The following ITPR2 variants were observed in gnomAD, a reference collection of about 807,000 sequenced individuals.
ITPR2 encodes inositol 1,4,5-trisphosphate-gated calcium channel ITPR2.
A neutral mutation model predicts 317.1 loss-of-function variants in ITPR2; 207 were observed. The observed-to-expected ratio is 0.65, with a 90% CI of 0.58 to 0.73. ITPR2 has a LOEUF of 0.73. Ranked by LOEUF, ITPR2 falls within the 30% of genes least tolerant of loss-of-function variation. ITPR2 has a pLI of 0.00. For missense variants in ITPR2, 2,613 were observed against 3,284.0 expected (o/e 0.80, Z 4.99); for synonymous variants, 1,156 against 1,149.1 (o/e 1.01, Z -0.12).
chr12:26,775,709 A>T (rs1353441588), intron 2 of ITPR2, among the ~76,000 whole-genome samples: 4 of 152,034 alleles, frequency 2.6e-5, no homozygotes, highest in Non-Finnish European at 4.4e-5. Context: ...CTGCCAGCAC[A>T]GCTAGAATAT....
intron 34 of ITPR2, among the ~76,000 whole-genome samples, chr12:26,578,160 T>C (rs1413173451): frequency 1.3e-5 from 2 of 151,592 alleles, no homozygotes; most frequent in Non-Finnish European, 2.9e-5. Flanking sequence ...ATGGCCCTAA[T>C]TAACTTATTA....
chr12:26,677,274 G>T (rs910641339), intron 13 of ITPR2, among the ~76,000 whole-genome samples: 1 of 152,172 alleles, frequency 6.6e-6, no homozygotes, highest in Non-Finnish European at 1.5e-5. Context: ...AAATAAATTT[G>T]TCAAATACAA....
At chr12:26,530,535 G>T (rs1943920092) in intron 37 of ITPR2, among the ~76,000 whole-genome samples, 4 of 152,188 alleles carry the variant, frequency 2.6e-5, no homozygotes. Context: ...TGGCTCCCCA[G>T]TTGGGGCTAT....
chr12:26,494,436 T>C (rs1942886053), intron 38 of ITPR2, 96 bp from the exon 39 acceptor site: 1 of 806,730 alleles, frequency 1.2e-6, no homozygotes. Flanking sequence ...TTAATAAAAA[T>C]ATTAATCATT....
intron 37 of ITPR2, among the ~76,000 whole-genome samples, chr12:26,503,192 C>CAA (rs1943113071): frequency 6.6e-6 from 1 of 150,912 alleles, no homozygotes; most frequent in African/African-American, 2.4e-5. Flanking sequence ...CCCCCACCAA[C>CAA]ACACACACAC....
chr12:26,483,063 C>T (rs1191901289), intron 42 of ITPR2, among the ~76,000 whole-genome samples: 1 of 152,176 alleles, frequency 6.6e-6, no homozygotes, highest in African/African-American at 2.4e-5. Flanking sequence ...GTCCTGCCTT[C>T]TACTCCCACA....
At chr12:26,373,924 G>A (rs144567207) in intron 55 of ITPR2, among the ~76,000 whole-genome samples, 1 of 152,276 alleles carries the variant, frequency 6.6e-6, no homozygotes, top group African/African-American at 2.4e-5. Flanking sequence ...CTAGAAGCAG[G>A]CAGAGCTTGC....
chr12:26,811,487 T>C (rs1485927386), intron 1 of ITPR2, among the ~76,000 whole-genome samples: 2 of 151,674 alleles, frequency 1.3e-5, no homozygotes, highest in East Asian at 3.9e-4. Flanking sequence ...GGCTCACGCC[T>C]GTAATCCCAG....
chr12:26,396,513 A>T (rs1940003212), intron 54 of ITPR2, among the ~76,000 whole-genome samples: 1 of 151,944 alleles, frequency 6.6e-6, no homozygotes, highest in African/African-American at 2.4e-5. Context: ...TCCTCACACC[A>T]TTCTGACTTG....
chr12:26,462,055 T>C (rs904221692), intron 45 of ITPR2, among the ~76,000 whole-genome samples: 2 of 152,154 alleles, frequency 1.3e-5, no homozygotes, highest in East Asian at 3.9e-4. Flanking sequence ...AAACTCAAAA[T>C]GCACCAACAG....
At chr12:26,700,720 C>T (rs530752574) in intron 9 of ITPR2, among the ~76,000 whole-genome samples, 7 of 152,216 alleles carry the variant, frequency 4.6e-5, no homozygotes, top group African/African-American at 1.7e-4. Flanking sequence ...TCAGATGATG[C>T]AAGGGGACAG....
intron 55 of ITPR2, among the ~76,000 whole-genome samples, chr12:26,364,586 C>T (rs904980639): frequency 8.5e-5 from 13 of 152,252 alleles, no homozygotes; most frequent in South Asian, 4.2e-4. Context: ...CTGTTTATCT[C>T]GGTCTGGTCA....
intron 55 of ITPR2, among the ~76,000 whole-genome samples, chr12:26,356,287 C>A (rs186417137): frequency 6.6e-6 from 1 of 152,338 alleles, no homozygotes; most frequent in African/African-American, 2.4e-5. Flanking sequence ...TCCACCTTTA[C>A]TTGGCAGCCA....
rs144973130 is a variant in ITPR2 at position 26,764,419 on chromosome 12, G to A, written c.163+25738C>T. ...AGTGTCAATAGAATGACAAGATAAG[G>A]CACCAACTGGGAAAAATATATGCAA... On this transcript the variant is annotated intron_variant, in intron 2 of 56. Transcript: ENST00000381340. Among the ~76,000 whole-genome samples, 269 of 152,022 alleles carry A rather than the reference G, an allele frequency of 1.8e-3. 2 individuals are homozygous for A. Among genetic ancestry groups the A allele is most frequent in the African/African-American group, 5.9e-3 (247 of 41,514 alleles).
intron 37 of ITPR2, among the ~76,000 whole-genome samples, chr12:26,537,437 T>C (rs1944128982): frequency 6.6e-6 from 1 of 152,166 alleles, no homozygotes; most frequent in African/African-American, 2.4e-5. Context: ...AGTATGAGAT[T>C]ACTGCCCGGT....
intron 2 of ITPR2, among the ~76,000 whole-genome samples, chr12:26,759,487 T>C (rs1299017122): frequency 6.6e-6 from 1 of 152,248 alleles, no homozygotes. Flanking sequence ...TGAGGTGTCA[T>C]CCTGTTGTAA....
rs753217017 is a variant in ITPR2, at chr12:26,486,357, C to T, written c.5558G>A (p.Arg1853Lys). The T allele has an allele frequency of 2.5e-6, 4 of 1,606,994 alleles. No homozygotes were observed. The highest frequency in any genetic ancestry group is 1.7e-6 in the Non-Finnish European group (2 of 1,175,160). ...LMTSGPRMRV[R>K]DSTLHLKEGM... ...CTCTTTTAAATGTAGTGTTGAATCT[C>T]TTACTGAAAACAAAGCAGTACTTTT... The change falls in exon 41 of 57, where the codon AGA becomes AAA. Residue 1853 changes from arginine (R) to lysine (K), a missense_variant. By Grantham distance (26) the Arg-to-Lys change is conservative. Transcript: ENST00000381340.
At chr12:26,557,753 A>T (rs557995907) in intron 35 of ITPR2, among the ~76,000 whole-genome samples, 1 of 152,320 alleles carries the variant, frequency 6.6e-6, no homozygotes, top group African/African-American at 2.4e-5. Flanking sequence ...TAAAGCTGAA[A>T]GCATCTTAAC....
At chr12:26,422,147 T>C (rs1472435475) in intron 49 of ITPR2, among the ~76,000 whole-genome samples, 2 of 150,168 alleles carry the variant, frequency 1.3e-5, no homozygotes, top group African/African-American at 2.4e-5. Context: ...ATTTACTAAA[T>C]GATTAATTAA....
Sources: gnomAD v4.1 joint callset for allele counts (sites outside exome capture counted in the v4.1 genomes callset) on GRCh38, gnomAD v4.1.1 for gene constraint, MANE v1.5 for transcripts, NCBI Gene and HGNC (gene_info 2026-07-23, HGNC 2026-07-21) for gene names.